The following PKHD1L1 variants were observed in gnomAD, a reference collection of about 807,000 sequenced individuals.
The protein encoded by PKHD1L1 is fibrocystin-L.
A neutral mutation model predicts 462.9 loss-of-function variants in PKHD1L1; 434 were observed. That is an observed-to-expected ratio of 0.94 (90% CI 0.87 to 1.02). The LOEUF (loss-of-function observed/expected upper bound fraction) is 1.02, where lower values mean the gene tolerates loss of function less well. Among genes scored for constraint, PKHD1L1 ranks in the 50% least tolerant of loss-of-function variants. The pLI, the probability that PKHD1L1 is intolerant of heterozygous loss-of-function variation, is 0.00. For missense variants in PKHD1L1, 5,202 were observed against 5,096.1 expected, an observed-to-expected ratio of 1.02 and a Z score of -0.63; for synonymous variants, 1,781 against 1,750.0, an observed-to-expected ratio of 1.02 and a Z score of -0.44.
At chr8:109,517,828 C>T (rs1820351340) in intron 72 of PKHD1L1, among the ~76,000 whole-genome samples, 2 of 152,070 alleles carry the variant, frequency 1.3e-5, no homozygotes. Context: ...TCAGTCAAGG[C>T]TTTAAAATTA....
At chr8:109,461,197 G>A (rs1178387918) in intron 47 of PKHD1L1, among the ~76,000 whole-genome samples, 2 of 152,042 alleles carry the variant, frequency 1.3e-5, no homozygotes, top group African/African-American at 4.8e-5. Context: ...AACAATAACT[G>A]ATGCAGCTTA....
chr8:109,440,881 T>C (rs763215555), intron 33 of PKHD1L1, 29 bp downstream of exon 33: 1 of 1,600,528 alleles, frequency 6.2e-7, no homozygotes, highest in South Asian at 1.1e-5. Context: ...GGAAAGTGAT[T>C]ATCATTTTTC....
chr8:109,449,374 G>T lies in PKHD1L1; in HGVS notation c.6062G>T (p.Gly2021Val). ...FGGGQTMTVT[G>V]TGFNPQNSII... The stretch of plus-strand genomic sequence containing the variant: ...GGGGGTCAAACCATGACTGTGACAG[G>T]CACCGGATTTAATCCACAAAATTCA... Residue 2021 changes from glycine (G) to valine (V), a missense_variant, in exon 40 of 78, where the codon GGC becomes GTC. This residue lies in a region of PKHD1L1 where 4,497 missense variants were observed against 4,336.8 expected (regional missense o/e 1.04). Coordinates refer to ENST00000378402, the MANE Select transcript of PKHD1L1 (RefSeq NM_177531.6). 1 of 1,581,476 alleles carries T rather than the reference G, an allele frequency of 6.3e-7. No individual in the cohort carries two copies. The highest frequency in any genetic ancestry group is 8.6e-7 in the Non-Finnish European group (1 of 1,162,324).
rs537050067 is a variant in PKHD1L1 at position 109,449,881 on chromosome 8, A to G, written c.6175+394A>G. Among the ~76,000 whole-genome samples, 4 of 152,302 alleles carry G rather than the reference A, an allele frequency of 2.6e-5. No individual in the cohort carries two copies. The South Asian group carries it at 8.3e-4, about 32-fold the overall frequency. On this transcript the variant is annotated intron_variant, in intron 40 of 77. Transcript: ENST00000378402. ...ACTCAAACCCTACTTGTGTCACTGA[A>G]TAAGTTATTTAACCTCTCTATGCCT...
At chr8:109,487,825 G>T (rs1337801657) in intron 59 of PKHD1L1, among the ~76,000 whole-genome samples, 1 of 150,490 alleles carries the variant, frequency 6.6e-6, no homozygotes, top group Non-Finnish European at 1.5e-5. Flanking sequence ...ATCAGCCTGG[G>T]CACTATAGTG....
intron 2 of PKHD1L1, among the ~76,000 whole-genome samples, chr8:109,374,733 A>G (rs960374797): frequency 6.6e-6 from 1 of 152,028 alleles, no homozygotes; most frequent in African/African-American, 2.4e-5. Flanking sequence ...TTGTCTGTAA[A>G]GTATTTTATT....
chr8:109,390,836 A>T (rs1321463554), intron 9 of PKHD1L1, among the ~76,000 whole-genome samples: 1 of 152,198 alleles, frequency 6.6e-6, no homozygotes, highest in Non-Finnish European at 1.5e-5. Flanking sequence ...GGAAGAATAA[A>T]AAAAACCTCA....
At chr8:109,442,287 C>A in intron 35 of PKHD1L1, 92 bp downstream of exon 35, 2 of 1,223,082 alleles carry the variant, frequency 1.6e-6, no homozygotes, top group South Asian at 1.7e-5. Flanking sequence ...AGTATTTTTA[C>A]ATAAATAATA....
intron 37 of PKHD1L1, among the ~76,000 whole-genome samples, chr8:109,444,115 T>C (rs1455714580): frequency 1.0e-4 from 13 of 126,794 alleles, no homozygotes; most frequent in African/African-American, 2.0e-4. Flanking sequence ...TTTCATTACC[T>C]CCCCCCCCCA....
chr8:109,400,075 G>A lies in PKHD1L1; in HGVS notation c.1013-1G>A, dbSNP rs747636241. Reference sequence around the variant, plus strand: ...GTCTTATTTTATTTCATTACACTTAGGAGGGAGAGGCCTGAAGCTTGAGGT... The same window carrying A: ...GTCTTATTTTATTTCATTACACTTAAGAGGGAGAGGCCTGAAGCTTGAGGT... On this transcript the variant is annotated splice_acceptor_variant, in intron 12 of 77. Transcript: ENST00000378402. LOFTEE classifies it high-confidence loss of function. The A allele has an allele frequency of 1.2e-6, 2 of 1,607,880 alleles. No homozygotes were observed. Among genetic ancestry groups the A allele is most frequent in the East Asian group, 2.2e-5 (1 of 44,808 alleles).
chr8:109,401,706 T>G, intron 14 of PKHD1L1, 118 bp downstream of exon 14: 1 of 537,590 alleles, frequency 1.9e-6, no homozygotes, highest in South Asian at 3.6e-5. Flanking sequence ...ATTGGTTTAA[T>G]TTATAATTGG....
chr8:109,429,476 T>A lies in PKHD1L1; in HGVS notation c.3123+14T>A, dbSNP rs916671294. On this transcript the variant is annotated intron_variant, in intron 26 of 77. Coordinates refer to ENST00000378402, the MANE Select transcript of PKHD1L1 (RefSeq NM_177531.6). ...CAACAGCCACAGGTATTTTTGAAACTTTTCTCATGATGCTTAATGTAATTT... is the reference window on the plus strand; with the variant it reads ...CAACAGCCACAGGTATTTTTGAAACATTTCTCATGATGCTTAATGTAATTT... 2 of 1,599,680 alleles carry A rather than the reference T, an allele frequency of 1.3e-6. No individual in the cohort carries two copies. Among genetic ancestry groups the A allele is most frequent in the African/African-American group, 1.3e-5 (1 of 74,812 alleles).
At position 109,452,735 on chromosome 8, in the gene PKHD1L1, T is replaced by C; in HGVS notation, c.6525T>C (p.Leu2175=). Residue 2175 remains leucine (L), a synonymous_variant, in exon 43 of 78, where the codon CTT becomes CTC. Coordinates refer to ENST00000378402, the MANE Select transcript of PKHD1L1 (RefSeq NM_177531.6). ...GMAKLDNADF[L]YVDAWSSNFS... is the part of the protein sequence containing the mutation. ...TATTACAGGATAATGCTGACTTTCTTTATGTTGATGCCTGGTCCTCCAATT... is the reference window on the plus strand; with the variant it reads ...TATTACAGGATAATGCTGACTTTCTCTATGTTGATGCCTGGTCCTCCAATT... 6.5e-7 allele frequency: 1 copy of C among 1,535,296 alleles called. No individual in the cohort carries two copies. Among genetic ancestry groups the C allele is most frequent in the Non-Finnish European group, 8.7e-7 (1 of 1,143,638 alleles).
intron 2 of PKHD1L1, among the ~76,000 whole-genome samples, chr8:109,367,878 G>C (rs1391169559): frequency 6.6e-6 from 1 of 152,202 alleles, no homozygotes; most frequent in Non-Finnish European, 1.5e-5. Flanking sequence ...ATTCCAGCCT[G>C]GGTGATGGAG....
At chr8:109,370,764 T>C (rs1811463744) in intron 2 of PKHD1L1, among the ~76,000 whole-genome samples, 3 of 152,144 alleles carry the variant, frequency 2.0e-5, no homozygotes, top group Admixed American at 1.3e-4. Flanking sequence ...TGGTGTTTGG[T>C]TTTTTGTCCT....
intron 48 of PKHD1L1, 106 bp downstream of exon 48, chr8:109,462,014 G>A (rs539393794): frequency 2.3e-6 from 3 of 1,314,288 alleles, no homozygotes; most frequent in South Asian, 1.6e-5. Context: ...AATCTGGTAG[G>A]GGAGACAGAT....
chr8:109,501,525 A>T (rs1447644415), intron 67 of PKHD1L1, among the ~76,000 whole-genome samples: 1 of 152,228 alleles, frequency 6.6e-6, no homozygotes, highest in East Asian at 1.9e-4. Context: ...GCCAACTTTA[A>T]TTTAAGTAAT....
chr8:109,380,207 A>G lies in PKHD1L1; in HGVS notation c.164-1163A>G, dbSNP rs151208518. On this transcript the variant is annotated intron_variant, in intron 2 of 77. Coordinates refer to ENST00000378402, the MANE Select transcript of PKHD1L1 (RefSeq NM_177531.6). ...TGTATTAAATCTTAGCAGAGATCTCAGCTGGCTACCTCTAACACTCTTGTA... is the reference window on the plus strand; with the variant it reads ...TGTATTAAATCTTAGCAGAGATCTCGGCTGGCTACCTCTAACACTCTTGTA... 2.7e-3 allele frequency among the ~76,000 whole-genome samples: 405 copies of G among 149,828 alleles called. 2 individuals are homozygous for G. The highest frequency in any genetic ancestry group is 9.7e-3 in the African/African-American group (382 of 39,274).
At position 109,419,170 on chromosome 8, in the gene PKHD1L1, A is replaced by C; in HGVS notation, c.2434A>C (p.Arg812=). ...CACTGGGACAAATGTTTCTCTTCAG[A>C]GGATTAGCTTACATAAAGCATCAGA... The part of the protein sequence containing the change: ...KYTGTNVSLQ[R]ISLHKASESQ... The change falls in exon 22 of 78, where the codon AGG becomes CGG. Residue 812 remains arginine (R), a synonymous_variant. Coordinates refer to ENST00000378402, the MANE Select transcript of PKHD1L1 (RefSeq NM_177531.6). The C allele has an allele frequency of 4.3e-6, 7 of 1,613,652 alleles. No individual in the cohort carries two copies. The highest frequency in any genetic ancestry group is 5.9e-6 in the Non-Finnish European group (7 of 1,179,616).
Sources: allele counts gnomAD v4.1 joint callset (sites outside exome capture counted in the v4.1 genomes callset), GRCh38; gene constraint gnomAD v4.1.1; regional missense constraint gnomAD v4.1.1; transcripts MANE v1.5; gene names NCBI Gene and HGNC (gene_info 2026-07-23, HGNC 2026-07-21).